Variants in MMP16 observed in about 807,000 individuals in gnomAD.
MMP16 encodes the protein matrix metallopeptidase 16.
A neutral mutation model predicts 67.8 loss-of-function variants in MMP16; 12 were observed. The ratio of observed to expected loss-of-function variants is 0.18; its 90% CI spans 0.11 to 0.29. The LOEUF (loss-of-function observed/expected upper bound fraction) is 0.29, where lower values mean the gene tolerates loss of function less well. Ranked by LOEUF, MMP16 falls within the 10% of genes least tolerant of loss-of-function variation. The pLI is 1.00. For synonymous variants in MMP16, 249 were observed against 255.9 expected (o/e 0.97, Z 0.26); for missense variants, 475 against 765.7 (o/e 0.62, Z 4.48).
intron 6 of MMP16, among the ~76,000 whole-genome samples, chr8:88,116,150 A>G (rs1809424666): frequency 6.6e-6 from 1 of 152,106 alleles, no homozygotes; most frequent in Non-Finnish European, 1.5e-5. Context: ...AAGATACAAT[A>G]GCTGCAGTAT....
chr8:88,261,696 TATATAC>T (rs1341964040), intron 1 of MMP16, among the ~76,000 whole-genome samples: 1 of 151,934 alleles, frequency 6.6e-6, no homozygotes, highest in Non-Finnish European at 1.5e-5. Flanking sequence ...TTAGGTATGT[TATATAC>T]ATATACATAT....
At chr8:88,069,354 T>C (rs757884447) in intron 7 of MMP16, 3 of 422,878 alleles carry the variant, frequency 7.1e-6, no homozygotes, top group South Asian at 5.3e-5. Flanking sequence ...AAATTTTCAA[T>C]TCCTGATTGT....
intron 6 of MMP16, among the ~76,000 whole-genome samples, chr8:88,084,329 T>C (rs1361059594): frequency 1.3e-5 from 2 of 151,942 alleles, no homozygotes; most frequent in African/African-American, 4.8e-5. Flanking sequence ...TTAGGCCAAA[T>C]CTAATTGGGC....
chr8:88,045,126 C>T (rs1463875665), intron 9 of MMP16, among the ~76,000 whole-genome samples: 1 of 152,156 alleles, frequency 6.6e-6, no homozygotes, highest in East Asian at 1.9e-4. Flanking sequence ...TTTTTCTCAG[C>T]AAGTACTATG....
At chr8:88,222,866 G>C (rs1409664614) in intron 1 of MMP16, among the ~76,000 whole-genome samples, 1 of 152,148 alleles carries the variant, frequency 6.6e-6, no homozygotes, top group Non-Finnish European at 1.5e-5. Flanking sequence ...AAACTAAAGA[G>C]CTTCTGCACA....
intron 1 of MMP16, among the ~76,000 whole-genome samples, chr8:88,230,202 C>T (rs548537923): frequency 1.3e-5 from 2 of 152,150 alleles, no homozygotes; most frequent in African/African-American, 4.8e-5. Context: ...CCAGGCTACA[C>T]CCCTCGGTTT....
At chr8:88,093,840 C>A (rs191706670) in intron 6 of MMP16, among the ~76,000 whole-genome samples, 21 of 151,878 alleles carry the variant, frequency 1.4e-4, no homozygotes, top group African/African-American at 5.1e-4. Flanking sequence ...ATGATATTTT[C>A]CTCCCTTTAT....
intron 1 of MMP16, among the ~76,000 whole-genome samples, chr8:88,314,639 T>G (rs190561622): frequency 6.6e-6 from 1 of 152,288 alleles, no homozygotes; most frequent in Admixed American, 6.5e-5. Flanking sequence ...CTCTCCCCTT[T>G]GCCCTAAGAA....
chr8:88,146,403 C>A (rs1469828557), intron 4 of MMP16, among the ~76,000 whole-genome samples: 1 of 151,966 alleles, frequency 6.6e-6, no homozygotes, highest in Non-Finnish European at 1.5e-5. Flanking sequence ...CTACCTCCCT[C>A]AAAACTAATC....
intron 1 of MMP16, among the ~76,000 whole-genome samples, chr8:88,210,401 T>C (rs1213759576): frequency 2.0e-5 from 3 of 152,168 alleles, no homozygotes; most frequent in Non-Finnish European, 2.9e-5. Flanking sequence ...TGAGCCTGAG[T>C]GATAGAATTA....
intron 1 of MMP16, among the ~76,000 whole-genome samples, chr8:88,203,936 A>T (rs1193592083): frequency 1.3e-5 from 2 of 152,224 alleles, no homozygotes. Flanking sequence ...TCAAGATAAA[A>T]GTGATGTTTT....
chr8:88,286,444 C>A (rs987922617), intron 1 of MMP16, among the ~76,000 whole-genome samples: 5 of 152,104 alleles, frequency 3.3e-5, no homozygotes, highest in African/African-American at 7.2e-5. Flanking sequence ...TTTTTCTGAT[C>A]ATTCTTTACA....
intron 8 of MMP16, among the ~76,000 whole-genome samples, chr8:88,050,000 G>A (rs1808249282): frequency 6.6e-6 from 1 of 152,036 alleles, no homozygotes; most frequent in African/African-American, 2.4e-5. Context: ...ACTCCAGCAA[G>A]GGCAACAGAA....
chr8:88,112,087 C>T (rs1229002381), intron 6 of MMP16, among the ~76,000 whole-genome samples: 1 of 151,672 alleles, frequency 6.6e-6, no homozygotes, highest in Non-Finnish European at 1.5e-5. Flanking sequence ...TGTTCCACGA[C>T]AGCTTTGCCT....
intron 6 of MMP16, among the ~76,000 whole-genome samples, chr8:88,085,886 AGT>A (rs1808825661): frequency 6.6e-6 from 1 of 151,892 alleles, no homozygotes; most frequent in African/African-American, 2.4e-5. Flanking sequence ...AACACTGAAG[AGT>A]TTAGTGATGT....
chr8:88,101,686 A>T (rs931175892), intron 6 of MMP16, among the ~76,000 whole-genome samples: 2 of 151,946 alleles, frequency 1.3e-5, no homozygotes, highest in African/African-American at 4.8e-5. Context: ...AGCTCCATTT[A>T]ATTCTCCATA....
At chr8:88,175,922 T>A (rs1018212178) in intron 3 of MMP16, among the ~76,000 whole-genome samples, 5 of 152,344 alleles carry the variant, frequency 3.3e-5, no homozygotes, top group South Asian at 2.1e-4. Flanking sequence ...GCCATGTAAG[T>A]TGTGCCTTTG....
chr8:88,070,487 C>A (rs868314416), intron 7 of MMP16, among the ~76,000 whole-genome samples: 1 of 152,068 alleles, frequency 6.6e-6, no homozygotes, highest in Non-Finnish European at 1.5e-5. Flanking sequence ...GGTTCCTTTT[C>A]TAGATTTGAG....
In MMP16 at chr8:88,032,999, T is replaced by C. The variant is rs1259799332; in HGVS notation, c.*8462A>G. On this transcript the variant is annotated 3_prime_UTR_variant, in exon 10 of 10. Coordinates refer to ENST00000286614, the MANE Select transcript of MMP16 (RefSeq NM_005941.5). ...GTCAGACAACCACAAGATAATGGCC[T>C]AAATATTTAATTTCCTGGCGTTTCT... 6.6e-6 allele frequency: 1 copy of C among 152,060 alleles called. No homozygotes were observed. The highest frequency in any genetic ancestry group is 2.4e-5 in the African/African-American group (1 of 41,436). 9.4% of individuals were successfully genotyped at this position (152,060 alleles called of 1,614,324 possible).
Sources: allele counts gnomAD v4.1 joint callset (sites outside exome capture counted in the v4.1 genomes callset), GRCh38; gene constraint gnomAD v4.1.1; transcripts MANE v1.5; gene names NCBI Gene and HGNC (gene_info 2026-07-23, HGNC 2026-07-21).